OSCP1: variants seen among roughly 807,000 people sequenced by gnomAD.
OSCP1 encodes the protein organic solute carrier partner 1.
OSCP1 carries 35 observed loss-of-function variants against 45.1 expected under a neutral mutation model. That is an observed-to-expected ratio of 0.78 (90% CI 0.59 to 1.03). The LOEUF (loss-of-function observed/expected upper bound fraction) is 1.03. Among genes scored for constraint, OSCP1 ranks in the 50% least tolerant of loss-of-function variants. OSCP1 has a pLI of 0.00. For synonymous variants in OSCP1, 179 were observed against 180.1 expected (o/e 0.99, Z 0.05); for missense variants, 400 against 470.7 (o/e 0.85, Z 1.39).
intron 3 of OSCP1, 92 bp downstream of exon 3, chr1:36,432,330 C>G: frequency 7.0e-7 from 1 of 1,433,248 alleles, no homozygotes; most frequent in East Asian, 2.3e-5. Context: ...CATTCCTCAT[C>G]CTGTTCTCTC....
In OSCP1 at chr1:36,450,450, A is replaced by G. The variant is rs543300807; in HGVS notation, c.-81T>C. The G allele has an allele frequency of 3.4e-6, 4 of 1,182,726 alleles. No homozygotes were observed. The highest frequency in any genetic ancestry group is 2.5e-5 in the South Asian group (2 of 79,182). 73.3% of individuals were successfully genotyped at this position (1,182,726 alleles called of 1,614,324 possible). A position where few individuals can be genotyped will look rare whatever the true frequency, so the allele number is the denominator to read the frequency against. On this transcript the variant is annotated 5_prime_UTR_variant, in exon 1 of 10. Transcript: ENST00000235532. ...CTGAAGGCCAGGCCGCAGCGTCCCA[A>G]TAGTCCGGTTGCTGGGGCAACGCCG... is the stretch of plus-strand genomic sequence containing the variant.
At chr1:36,439,986 C>T (rs1285319430) in intron 1 of OSCP1, among the ~76,000 whole-genome samples, 5 of 152,156 alleles carry the variant, frequency 3.3e-5, no homozygotes, top group African/African-American at 4.8e-5. Context: ...CAGTTATCCT[C>T]GCCTAAATGT....
intron 2 of OSCP1, among the ~76,000 whole-genome samples, chr1:36,434,397 T>C (rs749931761): frequency 6.6e-6 from 1 of 152,198 alleles, no homozygotes; most frequent in Non-Finnish European, 1.5e-5. Flanking sequence ...AGGACCCTGC[T>C]ACACAATCCC....
Position 36,431,677 on chromosome 1 carries a change from G to C in OSCP1, c.516+125C>G, listed in dbSNP as rs1648369687. 4 of 738,914 alleles carry C rather than the reference G, an allele frequency of 5.4e-6. No homozygotes were observed. The Admixed American group carries it at 1.2e-4, about 22-fold the overall frequency. The allele number at this position is 738,914 out of a possible 1,614,324, so 45.8% of individuals were successfully genotyped here. On this transcript the variant is annotated intron_variant, in intron 4 of 9. Transcript: ENST00000235532. ...TATTATCAATATCTTTATCATTAGA[G>C]AGGCAAACCCTGAGGACATCACTAA...
intron 4 of OSCP1, among the ~76,000 whole-genome samples, chr1:36,430,473 T>C (rs1291196266): frequency 2.0e-5 from 3 of 151,734 alleles, no homozygotes; most frequent in African/African-American, 4.8e-5. Flanking sequence ...GCAACAGGGA[T>C]GGAGAGGAAG....
chr1:36,428,312 T>G (rs768666556), intron 4 of OSCP1: 1 of 1,611,064 alleles, frequency 6.2e-7, no homozygotes, highest in South Asian at 1.1e-5. Flanking sequence ...CTTCCCCTTT[T>G]TAAAATTTTA....
rs1647551580 is a variant in OSCP1 at position 36,420,480 on chromosome 1, C to T, written c.955G>A (p.Glu319Lys). Residue 319 changes from glutamate (E) to lysine (K), a missense_variant, in exon 8 of 10, where the codon GAG becomes AAG. Transcript: ENST00000235532. ...RLNLFTTDEE[E>K]EQAALTRPEE... Reference sequence around the variant, plus strand: ...CGAAACAGGTTTAAAACATACTCCTCTTCTTCATCGGTGGTAAAGAGATTC... The same window carrying T: ...CGAAACAGGTTTAAAACATACTCCTTTTCTTCATCGGTGGTAAAGAGATTC... 2.5e-6 allele frequency: 4 copies of T among 1,613,592 alleles called. No homozygotes were observed. The highest frequency in any genetic ancestry group is 2.2e-5 in the East Asian group (1 of 44,892).
intron 9 of OSCP1, 46 bp downstream of exon 9, chr1:36,418,945 T>C (rs1284608747): frequency 7.2e-7 from 1 of 1,397,490 alleles, no homozygotes; most frequent in Admixed American, 2.0e-5. Context: ...AAAAAAAAGA[T>C]GAGGAAGCGA....
chr1:36,446,318 C>T (rs1190456528), intron 1 of OSCP1, among the ~76,000 whole-genome samples: 2 of 152,202 alleles, frequency 1.3e-5, no homozygotes, highest in Non-Finnish European at 2.9e-5. Context: ...CCACTGCGCC[C>T]GGCCCCTGCA....
intron 2 of OSCP1, among the ~76,000 whole-genome samples, chr1:36,434,273 T>C (rs1473060739): frequency 1.3e-5 from 2 of 152,240 alleles, no homozygotes; most frequent in African/African-American, 2.4e-5. Context: ...ACAAGAACTC[T>C]ATGAGGTAGG....
intron 4 of OSCP1, among the ~76,000 whole-genome samples, chr1:36,424,048 C>T (rs914314707): frequency 1.2e-4 from 19 of 152,110 alleles, no homozygotes; most frequent in African/African-American, 4.3e-4. Flanking sequence ...CCAGCTCACG[C>T]GATTCTCCCG....
intron 4 of OSCP1, among the ~76,000 whole-genome samples, chr1:36,425,334 C>T (rs1180203569): frequency 6.6e-6 from 1 of 152,176 alleles, no homozygotes; most frequent in Non-Finnish European, 1.5e-5. Context: ...GGAAATTACA[C>T]AACCTTTCTG....
At chr1:36,437,552 T>C (rs1471092558) in intron 2 of OSCP1, among the ~76,000 whole-genome samples, 1 of 152,156 alleles carries the variant, frequency 6.6e-6, no homozygotes, top group African/African-American at 2.4e-5. Flanking sequence ...GAAGTCCTAC[T>C]CTGTCGCCCA....
intron 8 of OSCP1, among the ~76,000 whole-genome samples, chr1:36,419,554 C>T (rs180851232): frequency 3.0e-3 from 457 of 152,206 alleles, no homozygotes; most frequent in Non-Finnish European, 5.0e-3. Context: ...GTGACACTCA[C>T]GCCAAATACT....
chr1:36,431,788 G>T lies in OSCP1; in HGVS notation c.516+14C>A. The stretch of plus-strand genomic sequence containing the variant: ...GCAGCTCCTGAGTGTTCCCAGGGCT[G>T]CCTATTGACTTACTCGGATGTGCAG... On this transcript the variant is annotated intron_variant, in intron 4 of 9. Coordinates refer to ENST00000235532, the MANE Select transcript of OSCP1 (RefSeq NM_145047.5). 3 of 1,612,384 alleles carry T rather than the reference G, an allele frequency of 1.9e-6. No individual in the cohort carries two copies. In the African/African-American group the frequency reaches 4.0e-5, roughly 22 times the overall value.
At chr1:36,422,697 TTC>T (rs1647726271) in intron 6 of OSCP1, 69 bp downstream of exon 6, 1 of 1,342,528 alleles carries the variant, frequency 7.4e-7, no homozygotes, top group Non-Finnish European at 9.9e-7. Context: ...GTCTGGCTGT[TTC>T]TCTTTTTTTT....
intron 2 of OSCP1, among the ~76,000 whole-genome samples, chr1:36,436,411 T>G (rs1341176668): frequency 6.6e-6 from 1 of 152,056 alleles, no homozygotes; most frequent in Non-Finnish European, 1.5e-5. Context: ...CGCCCGGCCC[T>G]CTCTATTTTT....
intron 8 of OSCP1, 24 bp from the exon 9 acceptor site, chr1:36,419,078 G>A (rs747429381): frequency 6.3e-7 from 1 of 1,589,208 alleles, no homozygotes; most frequent in Non-Finnish European, 8.6e-7. Context: ...TAAAGAAAAT[G>A]GGTGCAACAT....
intron 1 of OSCP1, among the ~76,000 whole-genome samples, chr1:36,448,705 A>G (rs1649686641): frequency 6.6e-6 from 1 of 152,206 alleles, no homozygotes; most frequent in Admixed American, 6.5e-5. Flanking sequence ...GAATGTAGGG[A>G]TGGGAATTAC....
Sources: allele counts gnomAD v4.1 joint callset (sites outside exome capture counted in the v4.1 genomes callset), GRCh38; gene constraint gnomAD v4.1.1; transcripts MANE v1.5; gene names NCBI Gene and HGNC (gene_info 2026-07-23, HGNC 2026-07-21).